The following GBE1 variants were observed in gnomAD, a reference collection of about 807,000 sequenced individuals.
GBE1 encodes 1,4-alpha-glucan branching enzyme 1.
GBE1 carries 70 observed loss-of-function variants against 88.8 expected under a neutral mutation model. The ratio of observed to expected loss-of-function variants is 0.79; its 90% CI spans 0.65 to 0.96. The LOEUF is 0.96. Among genes scored for constraint, GBE1 ranks in the 40% least tolerant of loss-of-function variants. The pLI is 0.00. For synonymous variants in GBE1, 284 were observed against 300.1 expected, an observed-to-expected ratio of 0.95 and a Z score of 0.56; for missense variants, 872 against 871.0, an observed-to-expected ratio of 1.00 and a Z score of -0.01.
intron 7 of GBE1, among the ~76,000 whole-genome samples, chr3:81,612,041 A>G (rs141782930): frequency 6.6e-6 from 1 of 152,206 alleles, no homozygotes; most frequent in East Asian, 1.9e-4. Context: ...AATATGCATT[A>G]ATCAGTACTA....
At chr3:81,514,519 A>G (rs1702768457) in intron 14 of GBE1, among the ~76,000 whole-genome samples, 1 of 151,622 alleles carries the variant, frequency 6.6e-6, no homozygotes, top group Non-Finnish European at 1.5e-5. Flanking sequence ...CAGAAACTAC[A>G]TTAATAGAAT....
In GBE1 at chr3:81,564,502, G is replaced by C. The variant is rs1703465559; in HGVS notation, c.1618+13423C>G. Among the ~76,000 whole-genome samples the C allele has an allele frequency of 2.0e-5, 3 of 151,994 alleles. No individual in the cohort carries two copies. In the South Asian group the frequency reaches 6.2e-4, roughly 32 times the overall value. On this transcript the variant is annotated intron_variant, in intron 12 of 15. Transcript: ENST00000429644. ...AAAGAATTAGAGATAGTTAGGTTCA[G>C]TTGCTTCTTTTTTTCCTCTCCAGAA...
intron 5 of GBE1, among the ~76,000 whole-genome samples, chr3:81,647,358 G>A (rs1392205228): frequency 6.6e-6 from 1 of 152,094 alleles, no homozygotes; most frequent in Non-Finnish European, 1.5e-5. Flanking sequence ...GCATGTATGT[G>A]CATATACAAA....
In GBE1 at chr3:81,538,258, A is replaced by G. The variant is rs1209497491; in HGVS notation, c.1619-1163T>C. Among the ~76,000 whole-genome samples the G allele has an allele frequency of 2.6e-5, 4 of 152,052 alleles. No individual in the cohort carries two copies. The East Asian group carries it at 7.7e-4, about 29-fold the overall frequency. On this transcript the variant is annotated intron_variant, in intron 12 of 15. Coordinates refer to ENST00000429644, the MANE Select transcript of GBE1 (RefSeq NM_000158.4). ...ATATTATAATAAATAAAAACTAATA[A>G]GCTAGGATGTAATTCAAAATAATTT... is the stretch of plus-strand genomic sequence containing the variant.
At chr3:81,533,106 A>G (rs909731026) in intron 14 of GBE1, among the ~76,000 whole-genome samples, 3 of 152,082 alleles carry the variant, frequency 2.0e-5, no homozygotes, top group African/African-American at 7.2e-5. Context: ...GCAAAGATAT[A>G]ACAAAGATTG....
intron 7 of GBE1, among the ~76,000 whole-genome samples, chr3:81,626,973 T>C (rs1440016845): frequency 1.3e-5 from 2 of 152,196 alleles, no homozygotes; most frequent in African/African-American, 4.8e-5. Flanking sequence ...CCTAATTTCC[T>C]GCTGAACTTT....
chr3:81,760,680 G>A (rs1335558991), intron 1 of GBE1, among the ~76,000 whole-genome samples: 1 of 152,234 alleles, frequency 6.6e-6, no homozygotes, highest in Non-Finnish European at 1.5e-5. Context: ...CACAATGGTA[G>A]AAGACAAGCT....
At chr3:81,611,901 A>G (rs568013995) in intron 7 of GBE1, among the ~76,000 whole-genome samples, 1 of 152,324 alleles carries the variant, frequency 6.6e-6, no homozygotes, top group East Asian at 1.9e-4. Context: ...AAGCAACGTG[A>G]CAAGTTTTTG....
intron 6 of GBE1, among the ~76,000 whole-genome samples, chr3:81,644,893 C>T (rs11707026): frequency 1.6e-3 from 242 of 151,824 alleles, no homozygotes; most frequent in Middle Eastern, 6.9e-3. Flanking sequence ...TAATAGCTAG[C>T]GTGTAGGGAG....
chr3:81,701,519 T>C (rs916480233), intron 2 of GBE1, among the ~76,000 whole-genome samples: 8 of 152,030 alleles, frequency 5.3e-5, no homozygotes, highest in African/African-American at 1.9e-4. Context: ...GAGGGTTTTT[T>C]TTTTAATACT....
chr3:81,665,636 T>A lies in GBE1; in HGVS notation c.429+5202A>T, dbSNP rs531758792. Among the ~76,000 whole-genome samples the A allele has an allele frequency of 2.5e-4, 38 of 152,354 alleles. No individual in the cohort carries two copies. The South Asian group carries it at 6.2e-3, about 25-fold the overall frequency. On this transcript the variant is annotated intron_variant, in intron 3 of 15. Coordinates refer to ENST00000429644, the MANE Select transcript of GBE1 (RefSeq NM_000158.4). Reference sequence around the variant, plus strand: ...CTACATTACATATAAGTGGTCTTCTTGGGATATGTTAATGGTTAATTTTAA... The same window carrying A: ...CTACATTACATATAAGTGGTCTTCTAGGGATATGTTAATGGTTAATTTTAA...
chr3:81,642,221 T>A (rs1194850664), intron 7 of GBE1, among the ~76,000 whole-genome samples: 1 of 152,022 alleles, frequency 6.6e-6, no homozygotes, highest in Non-Finnish European at 1.5e-5. Flanking sequence ...GCTATAACAA[T>A]AGTGTTTACC....
At chr3:81,491,645 T>C (rs569132605) in intron 15 of GBE1, among the ~76,000 whole-genome samples, 1 of 152,158 alleles carries the variant, frequency 6.6e-6, no homozygotes, top group Non-Finnish European at 1.5e-5. Flanking sequence ...ATTGTGACAA[T>C]CTGTCTTCAC....
chr3:81,507,152 TTC>T (rs1702665483), intron 14 of GBE1, among the ~76,000 whole-genome samples: 1 of 152,138 alleles, frequency 6.6e-6, no homozygotes, highest in Admixed American at 6.6e-5. Flanking sequence ...ATGATTATAT[TTC>T]TTTCAATGGA....
chr3:81,570,425 G>T (rs1047431191), intron 12 of GBE1, among the ~76,000 whole-genome samples: 2 of 152,184 alleles, frequency 1.3e-5, no homozygotes, highest in African/African-American at 4.8e-5. Context: ...AAGATGTTAT[G>T]AATCTCCAAG....
At position 81,501,549 on chromosome 3, in the gene GBE1, C is replaced by T. The variant is rs181465599; in HGVS notation, c.1935-2322G>A. Among the ~76,000 whole-genome samples the T allele has an allele frequency of 7.2e-5, 11 of 152,142 alleles. No homozygotes were observed. The East Asian group carries it at 2.1e-3, about 29-fold the overall frequency. ...GTTCCTAACCAAATTCAACTTCTCA[C>T]TAATAGTAGAGATGATTATTTCCTC... On this transcript the variant is annotated intron_variant, in intron 14 of 15. Transcript: ENST00000429644.
At chr3:81,626,294 A>G (rs1362183377) in intron 7 of GBE1, among the ~76,000 whole-genome samples, 4 of 152,246 alleles carry the variant, frequency 2.6e-5, no homozygotes, top group African/African-American at 9.6e-5. Flanking sequence ...TTTACAAAAC[A>G]AAAGTAAAAC....
chr3:81,529,912 G>C (rs1056045658), intron 14 of GBE1, among the ~76,000 whole-genome samples: 5 of 151,776 alleles, frequency 3.3e-5, no homozygotes, highest in Non-Finnish European at 5.9e-5. Context: ...CTACCTGAAT[G>C]AATCAGTCTC....
In GBE1 at chr3:81,613,548, G is replaced by GA. The variant is rs901449981; in HGVS notation, c.993-19526dup. On this transcript the variant is annotated intron_variant, in intron 7 of 15. Coordinates refer to ENST00000429644, the MANE Select transcript of GBE1 (RefSeq NM_000158.4). ...GTCTATTTTCTCTTGTTTAAAAAAA[G>GA]AAAAAAAAAACTTAAACAATGGGGT... 7.2e-3 allele frequency among the ~76,000 whole-genome samples: 1,067 copies of GA among 147,888 alleles called. 8 individuals are homozygous for GA. The highest frequency in any genetic ancestry group is 0.021 in the African/African-American group (844 of 40,494).
Sources: allele counts gnomAD v4.1 joint callset (sites outside exome capture counted in the v4.1 genomes callset), GRCh38; gene constraint gnomAD v4.1.1; transcripts MANE v1.5; gene names NCBI Gene and HGNC (gene_info 2026-07-23, HGNC 2026-07-21).